The following SPTBN4 variants were observed in gnomAD, a reference collection of about 807,000 sequenced individuals.
The protein encoded by SPTBN4 is spectrin beta, non-erythrocytic 4.
In SPTBN4, 96 loss-of-function variants were observed where a neutral mutation model predicts 277.8. The ratio of observed to expected loss-of-function variants is 0.35; its 90% CI spans 0.29 to 0.41. The LOEUF is 0.41. Ranked by LOEUF, SPTBN4 falls within the 10% of genes least tolerant of loss-of-function variation. SPTBN4 has a pLI of 1.00. For synonymous variants in SPTBN4, 1,481 were observed against 1,580.3 expected, an observed-to-expected ratio of 0.94 and a Z score of 1.49; for missense variants, 3,006 against 3,595.7, an observed-to-expected ratio of 0.84 and a Z score of 4.19.
intron 26 of SPTBN4, among the ~76,000 whole-genome samples, chr19:40,557,882 C>T (rs1406170729): frequency 7.2e-6 from 1 of 139,626 alleles, no homozygotes; most frequent in Admixed American, 7.5e-5. Context: ...CTCGCCATTG[C>T]ACTCCAGCCT....
chr19:40,572,522 A>G, intron 35 of SPTBN4, 142 bp downstream of exon 35: 1 of 1,071,012 alleles, frequency 9.3e-7, no homozygotes, highest in South Asian at 1.4e-5. Flanking sequence ...GCCCACAGGC[A>G]CTGAGAGCCC....
chr19:40,488,734 TG>T (rs1252701702), intron 3 of SPTBN4, among the ~76,000 whole-genome samples: 3 of 152,148 alleles, frequency 2.0e-5, no homozygotes, highest in African/African-American at 7.2e-5. Flanking sequence ...CGCTTGAGCC[TG>T]GGAGGTCGAG....
At chr19:40,525,068 G>T (rs1456712742) in intron 17 of SPTBN4, among the ~76,000 whole-genome samples, 1 of 151,946 alleles carries the variant, frequency 6.6e-6, no homozygotes, top group Non-Finnish European at 1.5e-5. Context: ...GCCAGAAGGG[G>T]ACCCAGTACC....
chr19:40,512,811 T>TGCGGCGGGCGCAGCGGGC lies in SPTBN4; in HGVS notation c.2025_2042dup (p.Ala678_Gly683dup). 2 of 1,445,512 alleles carry TGCGGCGGGCGCAGCGGGC rather than the reference T, an allele frequency of 1.4e-6. No homozygotes were observed. The highest frequency in any genetic ancestry group is 1.8e-6 in the Non-Finnish European group (2 of 1,110,146). 89.5% of individuals were successfully genotyped at this position (1,445,512 alleles called of 1,614,324 possible). A position where few individuals can be genotyped will look rare whatever the true frequency, so the allele number is the denominator to read the frequency against. On this transcript the variant is annotated inframe_insertion, in exon 14 of 36. Transcript: ENST00000598249. The stretch of plus-strand genomic sequence containing the variant: ...TCCTGGAGGCTGCGGGCGGCGGCGG[T>TGCGGCGGGCGCAGCGGGC]GCGGCGGGCGCAGCGGGCGCAGCGG...
chr19:40,471,237 G>A (rs967218269), intron 1 of SPTBN4, among the ~76,000 whole-genome samples: 7 of 152,084 alleles, frequency 4.6e-5, no homozygotes, highest in African/African-American at 1.7e-4. Context: ...ATGAGCCACC[G>A]CGCCTGGCCC....
chr19:40,495,048 C>A, intron 6 of SPTBN4, 71 bp downstream of exon 6: 1 of 1,418,674 alleles, frequency 7.0e-7, no homozygotes, highest in African/African-American at 1.4e-5. Flanking sequence ...CACACCTGTA[C>A]ATGTACTTGT....
chr19:40,488,861 C>T (rs974409542), intron 3 of SPTBN4, among the ~76,000 whole-genome samples: 3 of 151,560 alleles, frequency 2.0e-5, no homozygotes, highest in Non-Finnish European at 2.9e-5. Flanking sequence ...CGAGGCGTCA[C>T]TATGTTGCCC....
chr19:40,469,194 T>G (rs2079857383), intron 1 of SPTBN4, among the ~76,000 whole-genome samples: 1 of 152,086 alleles, frequency 6.6e-6, no homozygotes, highest in African/African-American at 2.4e-5. Context: ...TTCCTAGAAT[T>G]CAGTGGGTTG....
At chr19:40,532,544 G>T in intron 18 of SPTBN4, 81 bp from the exon 19 acceptor site, 1 of 1,533,558 alleles carries the variant, frequency 6.5e-7, no homozygotes, top group South Asian at 1.3e-5. Context: ...CCCAGGCCCT[G>T]AACCTGGGAC....
At position 40,530,097 on chromosome 19, in the gene SPTBN4, G is replaced by A. The variant is rs567813200; in HGVS notation, c.3948+966G>A. Among the ~76,000 whole-genome samples the A allele has an allele frequency of 5.7e-4, 86 of 152,180 alleles. 1 individual carries two copies. The highest frequency in any genetic ancestry group is 1.9e-3 in the African/African-American group (78 of 41,534). On this transcript the variant is annotated intron_variant, in intron 18 of 35. Coordinates refer to ENST00000598249, the MANE Select transcript of SPTBN4 (RefSeq NM_020971.3). ...TCGCCCCCACTGGAGATTGTGAGAT[G>A]TTCCAGGTCGCCCTCCCATATCCCC...
rs566231512 is a variant in SPTBN4, at chr19:40,558,875, T to C, written c.5671-1284T>C. Among the ~76,000 whole-genome samples the C allele has an allele frequency of 6.6e-5, 10 of 150,774 alleles. No homozygotes were observed. In the South Asian group the frequency reaches 2.1e-3, roughly 32 times the overall value. ...TACCCGTCTCGGCCTCCCAAAGTGC[T>C]GGGATTACAGGCATGAGCTACTATG... is the stretch of plus-strand genomic sequence containing the variant. On this transcript the variant is annotated intron_variant, in intron 26 of 35. Transcript: ENST00000598249.
At position 40,534,075 on chromosome 19, in the gene SPTBN4, G is replaced by C. The variant is rs1300460540; in HGVS notation, c.4096-5G>C. The C allele has an allele frequency of 6.3e-7, 1 of 1,598,518 alleles. No homozygotes were observed. Among genetic ancestry groups the C allele is most frequent in the African/African-American group, 1.3e-5 (1 of 74,630 alleles). On this transcript the variant is annotated splice_polypyrimidine_tract_variant and splice_region_variant and intron_variant, in intron 19 of 35. Coordinates refer to ENST00000598249, the MANE Select transcript of SPTBN4 (RefSeq NM_020971.3). ...CATCTCCTGCCATCCACCCACTTGG[G>C]GCAGGAGGGCCAGCAACTGATGCAG...
chr19:40,529,359 G>A (rs575475277), intron 18 of SPTBN4, among the ~76,000 whole-genome samples: 31 of 152,352 alleles, frequency 2.0e-4, no homozygotes, highest in Non-Finnish European at 3.2e-4. Context: ...GGGCGCCCCT[G>A]GCAACCGCGC....
At position 40,515,632 on chromosome 19, in the gene SPTBN4, T is replaced by C. The variant is rs1454842011; in HGVS notation, c.2903+184T>C. ...ATGACGTGGTAAAATTAAAACAACA[T>C]TTCAGTTGGCTGTTCATTTATTTGT... On this transcript the variant is annotated intron_variant, in intron 15 of 35. Coordinates refer to ENST00000598249, the MANE Select transcript of SPTBN4 (RefSeq NM_020971.3). The surrounding 1 kb of genome is among the most constrained non-coding windows in gnomAD (Gnocchi z 4.1). 6.6e-6 allele frequency among the ~76,000 whole-genome samples: 1 copy of C among 152,188 alleles called. No individual in the cohort carries two copies. The highest frequency in any genetic ancestry group is 1.5e-5 in the Non-Finnish European group (1 of 68,030).
At chr19:40,483,906 A>G (rs997888895) in intron 2 of SPTBN4, among the ~76,000 whole-genome samples, 3 of 152,172 alleles carry the variant, frequency 2.0e-5, no homozygotes, top group African/African-American at 7.2e-5. Context: ...ATTTGCAAAA[A>G]GAGGGATTTG....
Position 40,503,874 on chromosome 19 carries a change from G to A in SPTBN4, c.1407G>A (p.Lys469=). 1 of 1,606,274 alleles carries A rather than the reference G, an allele frequency of 6.2e-7. No homozygotes were observed. Among genetic ancestry groups the A allele is most frequent in the Non-Finnish European group, 8.5e-7 (1 of 1,174,002 alleles). ...YELPAVEAAM[K]KHEAIEADIA... ...TGCCCGCAGTGGAGGCAGCCATGAA[G>A]AAACACGAAGCGATCGAGGCAGACA... Residue 469 remains lysine (K), a synonymous_variant, in exon 12 of 36, where the codon AAG becomes AAA. Coordinates refer to ENST00000598249, the MANE Select transcript of SPTBN4 (RefSeq NM_020971.3).
chr19:40,567,721 A>C lies in SPTBN4; in HGVS notation c.6395A>C (p.Lys2132Thr). 6.4e-7 allele frequency: 1 copy of C among 1,558,346 alleles called. No individual in the cohort carries two copies. The highest frequency in any genetic ancestry group is 8.7e-7 in the Non-Finnish European group (1 of 1,154,016). Residue 2132 changes from lysine to threonine, a missense_variant, in exon 31 of 36, where the codon AAG (lysine) becomes ACG (threonine). By Grantham distance (78) the Lys-to-Thr change is moderately conservative. Coordinates refer to ENST00000598249, the MANE Select transcript of SPTBN4 (RefSeq NM_020971.3). ...CCGCCTACCCCACTGCTGGGGCGCA[A>C]GTTCTTTGGGGACCCCACGGAACTG... ...KQPPTPLLGR[K>T]FFGDPTELAA...
Position 40,569,657 on chromosome 19 carries a change from G to A in SPTBN4, c.6957G>A (p.Gly2319=). 1 of 1,612,568 alleles carries A rather than the reference G, an allele frequency of 6.2e-7. No homozygotes were observed. The highest frequency in any genetic ancestry group is 8.5e-7 in the Non-Finnish European group (1 of 1,179,404). ...EMPIRGDLVK[G]KATLADIVEQ... ...GGTCTTTCTGTCCCCCATCCCCCAGGAAGGCCACCCTGGCTGACATTGTGG... is the reference window on the plus strand; with the variant it reads ...GGTCTTTCTGTCCCCCATCCCCCAGAAAGGCCACCCTGGCTGACATTGTGG... The change falls in exon 32 of 36, where the codon GGG becomes GGA. Residue 2319 remains glycine (G), a splice_region_variant and synonymous_variant. Coordinates refer to ENST00000598249, the MANE Select transcript of SPTBN4 (RefSeq NM_020971.3).
intron 24 of SPTBN4, among the ~76,000 whole-genome samples, chr19:40,555,489 CAAA>C (rs56045928): frequency 2.7e-4 from 20 of 74,888 alleles, no homozygotes; most frequent in Admixed American, 6.8e-4. Context: ...GACTCCGTCT[CAAA>C]AAAAAAAAAA....
Sources: allele counts gnomAD v4.1 joint callset (sites outside exome capture counted in the v4.1 genomes callset), GRCh38; gene constraint gnomAD v4.1.1; non-coding constraint Gnocchi (gnomAD v3.1); transcripts MANE v1.5; gene names NCBI Gene and HGNC (gene_info 2026-07-23, HGNC 2026-07-21).